FCHO2: variants seen among roughly 807,000 people sequenced by gnomAD.
FCHO2 encodes FCH and mu domain containing endocytic adaptor 2.
A neutral mutation model predicts 114.1 loss-of-function variants in FCHO2; 43 were observed. The observed-to-expected ratio is 0.38, with a 90% CI of 0.30 to 0.49. The LOEUF is 0.49. Ranked by LOEUF, FCHO2 falls within the 20% of genes least tolerant of loss-of-function variation. The probability of loss-of-function intolerance (pLI) is 0.97; values close to 1 mark genes in which losing one functional copy is unlikely to be tolerated. For missense variants in FCHO2, 807 were observed against 950.4 expected, an observed-to-expected ratio of 0.85 and a Z score of 1.98; for synonymous variants, 293 against 315.2, an observed-to-expected ratio of 0.93 and a Z score of 0.75.
At chr5:72,971,556 T>A (rs1174611710) in intron 2 of FCHO2, among the ~76,000 whole-genome samples, 1 of 152,216 alleles carries the variant, frequency 6.6e-6, no homozygotes, top group African/African-American at 2.4e-5. Context: ...TTGTTTGTTT[T>A]TTTCTTGTAA....
At chr5:73,006,119 T>C (rs1011505207) in intron 5 of FCHO2, among the ~76,000 whole-genome samples, 4 of 152,208 alleles carry the variant, frequency 2.6e-5, no homozygotes, top group Admixed American at 1.3e-4. Flanking sequence ...TCTCCAACAG[T>C]GTGTTAACAT....
chr5:73,002,525 A>G (rs1754499620), intron 5 of FCHO2, among the ~76,000 whole-genome samples: 1 of 152,240 alleles, frequency 6.6e-6, no homozygotes, highest in Non-Finnish European at 1.5e-5. Flanking sequence ...CTTGGAAAAT[A>G]ATCATAGCAA....
chr5:73,048,122 A>T (rs1293037865), intron 11 of FCHO2, among the ~76,000 whole-genome samples: 1 of 152,158 alleles, frequency 6.6e-6, no homozygotes, highest in African/African-American at 2.4e-5. Flanking sequence ...GGTTACAGTC[A>T]TGAGCTACCA....
chr5:73,006,793 A>G (rs1216347546), intron 6 of FCHO2, among the ~76,000 whole-genome samples: 3 of 152,186 alleles, frequency 2.0e-5, no homozygotes, highest in Non-Finnish European at 2.9e-5. Flanking sequence ...AATTGGGGAA[A>G]CTGAGGGCAT....
chr5:73,049,066 C>T (rs576988899), intron 11 of FCHO2, among the ~76,000 whole-genome samples: 76 of 151,178 alleles, frequency 5.0e-4, no homozygotes, highest in African/African-American at 1.3e-3. Flanking sequence ...TTAGTAGAGA[C>T]GGGGTTTCAC....
At chr5:73,060,099 C>T (rs918001050) in intron 17 of FCHO2, among the ~76,000 whole-genome samples, 8 of 151,790 alleles carry the variant, frequency 5.3e-5, no homozygotes, top group Non-Finnish European at 1.0e-4. Flanking sequence ...TATAAAAGTA[C>T]TCTTTCTTCC....
chr5:73,016,134 T>C lies in FCHO2; in HGVS notation c.699+410T>C, dbSNP rs535266574. ...CAATTTGGGGTATACTGAAATATAG[T>C]AGAGAAAGATGAAGTCTGTTATTCT... On this transcript the variant is annotated intron_variant, in intron 7 of 25. Transcript: ENST00000430046. Among the ~76,000 whole-genome samples the C allele has an allele frequency of 2.2e-4, 34 of 152,108 alleles. No individual in the cohort carries two copies. The East Asian group carries it at 5.6e-3, about 25-fold the overall frequency.
intron 19 of FCHO2, among the ~76,000 whole-genome samples, chr5:73,071,512 A>G (rs571646): frequency 0.77 from 117,324 of 151,824 alleles, 46,494 homozygotes; most frequent in Non-Finnish European, 0.86. Flanking sequence ...TACCTGTTAC[A>G]TACCTCAAGT....
intron 5 of FCHO2, among the ~76,000 whole-genome samples, chr5:72,999,328 C>T (rs1011446040): frequency 6.8e-6 from 1 of 147,776 alleles, no homozygotes; most frequent in African/African-American, 2.5e-5. Flanking sequence ...AACATAAATA[C>T]TATAGGTGTT....
At chr5:73,061,049 T>C (rs892709471) in intron 17 of FCHO2, among the ~76,000 whole-genome samples, 9 of 151,098 alleles carry the variant, frequency 6.0e-5, no homozygotes, top group Non-Finnish European at 1.3e-4. Context: ...TTGAAAAATA[T>C]TGGGCTGTTT....
chr5:72,993,578 C>CCTGGCTCTT, intron 5 of FCHO2, among the ~76,000 whole-genome samples: 1 of 151,070 alleles, frequency 6.6e-6, no homozygotes, highest in African/African-American at 2.4e-5. Context: ...ATTTTTTTTT[C>CCTGGCTCTT]CTCATATGAA....
In FCHO2 at chr5:73,088,169, T is replaced by C; in HGVS notation, c.*79T>C. 6.4e-7 allele frequency: 1 copy of C among 1,566,814 alleles called. No homozygotes were observed. The highest frequency in any genetic ancestry group is 2.3e-5 in the East Asian group (1 of 43,890). ...TATCTGTTCTTTCCAAACACTATTT[T>C]AACTTGTATGATGTCTTTCAAACTT... On this transcript the variant is annotated 3_prime_UTR_variant, in exon 26 of 26. Coordinates refer to ENST00000430046, the MANE Select transcript of FCHO2 (RefSeq NM_138782.3).
intron 19 of FCHO2, among the ~76,000 whole-genome samples, chr5:73,071,538 A>G (rs1227758240): frequency 2.0e-5 from 3 of 152,040 alleles, no homozygotes; most frequent in Admixed American, 6.6e-5. Context: ...AGCTCTCTAC[A>G]TTTTCAAAAC....
intron 12 of FCHO2, 119 bp from the exon 13 acceptor site, chr5:73,052,213 G>A (rs368599071): frequency 1.7e-5 from 17 of 1,022,544 alleles, no homozygotes; most frequent in Middle Eastern, 3.2e-4. Context: ...GTGAGCCGTC[G>A]CACCCGGCCC....
At chr5:73,019,201 A>T (rs1288952724) in intron 8 of FCHO2, among the ~76,000 whole-genome samples, 5 of 152,240 alleles carry the variant, frequency 3.3e-5, no homozygotes, top group Non-Finnish European at 5.9e-5. Context: ...GACATGTATT[A>T]GGAGCTGACT....
intron 2 of FCHO2, among the ~76,000 whole-genome samples, chr5:72,982,826 ATTTTTTTTTT>A (rs36075860): frequency 1.8e-5 from 2 of 108,176 alleles, no homozygotes; most frequent in African/African-American, 6.6e-5. Context: ...GTCTGGATTC[ATTTTTTTTTT>A]TTTTTTTTTT....
chr5:72,974,128 T>C (rs1388261482), intron 2 of FCHO2, among the ~76,000 whole-genome samples: 11 of 150,010 alleles, frequency 7.3e-5, no homozygotes, highest in Non-Finnish European at 1.3e-4. Flanking sequence ...TCCAAGTATG[T>C]GGTCAGTTTT....
intron 2 of FCHO2, among the ~76,000 whole-genome samples, chr5:72,980,425 G>C (rs1400471768): frequency 1.3e-5 from 2 of 152,162 alleles, no homozygotes; most frequent in Non-Finnish European, 2.9e-5. Context: ...ATATTCTGTT[G>C]ATTTTGCGGG....
At chr5:72,991,269 A>G (rs1580060206) in intron 5 of FCHO2, among the ~76,000 whole-genome samples, 1 of 152,118 alleles carries the variant, frequency 6.6e-6, no homozygotes, top group Admixed American at 6.6e-5. Context: ...TCGCCATGTT[A>G]GTCAGGTTGG....
Sources: allele counts gnomAD v4.1 joint callset (sites outside exome capture counted in the v4.1 genomes callset), GRCh38; gene constraint gnomAD v4.1.1; transcripts MANE v1.5; gene names NCBI Gene and HGNC (gene_info 2026-07-23, HGNC 2026-07-21).